Variants in SRRT observed in about 807,000 individuals in gnomAD.
The protein encoded by SRRT is serrate, RNA effector molecule, also known as serrate RNA effector molecule homolog.
SRRT carries 32 observed loss-of-function variants against 103.2 expected under a neutral mutation model. The ratio of observed to expected loss-of-function variants is 0.31; its 90% CI spans 0.23 to 0.42. The LOEUF is 0.42. Ranked by LOEUF, SRRT falls within the 10% of genes least tolerant of loss-of-function variation. SRRT has a pLI of 1.00. For missense variants in SRRT, 986 were observed against 1,207.5 expected (o/e 0.82, Z 2.72); for synonymous variants, 525 against 449.0 (o/e 1.17, Z -2.14).
At position 100,885,160 on chromosome 7, in the gene SRRT, C is replaced by G; in HGVS notation, c.1160-53C>G. 6.2e-7 allele frequency: 1 copy of G among 1,604,196 alleles called. No homozygotes were observed. The highest frequency in any genetic ancestry group is 8.5e-7 in the Non-Finnish European group (1 of 1,174,168). Reference sequence around the variant, plus strand: ...GGGAAAGCTTCTGTATCCTCCCCACCACAATCAGTAATAAAAATGCACCAA... The same window carrying G: ...GGGAAAGCTTCTGTATCCTCCCCACGACAATCAGTAATAAAAATGCACCAA... On this transcript the variant is annotated intron_variant, in intron 9 of 19. Transcript: ENST00000611405. This position sits in a 1 kb window ranked among gnomAD's most constrained non-coding sequence, Gnocchi z 4.8.
Position 100,882,985 on chromosome 7 carries a change from A to G in SRRT, c.587+744A>G, listed in dbSNP as rs1392206696. ...CCCCACTGCGGAGTCCCGCGTGGGC[A>G]TCTCGGCCGGGCGCCCAGCCAGGAG... On this transcript the variant is annotated intron_variant, in intron 5 of 19. Coordinates refer to ENST00000611405, the MANE Select transcript of SRRT (RefSeq NM_015908.6). The surrounding 1 kb of genome is among the most constrained non-coding windows in gnomAD (Gnocchi z 4.2). The G allele has an allele frequency of 6.6e-6, 1 of 152,328 alleles. No homozygotes were observed. The highest frequency in any genetic ancestry group is 6.5e-5 in the Admixed American group (1 of 15,288). 9.4% of individuals were successfully genotyped at this position (152,328 alleles called of 1,614,324 possible). A position where few individuals can be genotyped will look rare whatever the true frequency, so the allele number is the denominator to read the frequency against.
In SRRT at chr7:100,887,907, C is replaced by A; in HGVS notation, c.2326+48C>A. On this transcript the variant is annotated intron_variant, in intron 17 of 19. Coordinates refer to ENST00000611405, the MANE Select transcript of SRRT (RefSeq NM_015908.6). This position sits in a 1 kb window ranked among gnomAD's most constrained non-coding sequence, Gnocchi z 4.1. ...CGCATGTGCCCTCTTCCTTGACTAC[C>A]CAGGGACTCCTGTTTCTCTTTAACG... The A allele has an allele frequency of 6.4e-7, 1 of 1,573,060 alleles. No individual in the cohort carries two copies. The highest frequency in any genetic ancestry group is 1.4e-5 in the African/African-American group (1 of 73,436).
chr7:100,876,750 A>G (rs1307581075), intron 2 of SRRT, among the ~76,000 whole-genome samples: 1 of 152,112 alleles, frequency 6.6e-6, no homozygotes, highest in Admixed American at 6.6e-5. Context: ...ATGAGTATAT[A>G]TAGTGGAAGT....
In SRRT at chr7:100,887,606, G is replaced by T; in HGVS notation, c.2169+93G>T. On this transcript the variant is annotated intron_variant, in intron 16 of 19. Coordinates refer to ENST00000611405, the MANE Select transcript of SRRT (RefSeq NM_015908.6). This position sits in a 1 kb window ranked among gnomAD's most constrained non-coding sequence, Gnocchi z 4.1. ...GGCAGGGGTGGGGGAACTGCTTACT[G>T]CACTGGCAGGCGGGAGCTGGGAATC... The T allele has an allele frequency of 6.3e-7, 1 of 1,577,856 alleles. No individual in the cohort carries two copies. The highest frequency in any genetic ancestry group is 8.6e-7 in the Non-Finnish European group (1 of 1,158,324).
In SRRT at chr7:100,885,123, G is replaced by T. The variant is rs961363452; in HGVS notation, c.1159+83G>T. ...GGTTGGCGACATTGACGGGAGGGTG[G>T]GTGGCTTTTAGGGGAAAGCTTCTGT... On this transcript the variant is annotated intron_variant, in intron 9 of 19. Coordinates refer to ENST00000611405, the MANE Select transcript of SRRT (RefSeq NM_015908.6). This position sits in a 1 kb window ranked among gnomAD's most constrained non-coding sequence, Gnocchi z 4.8. 6.2e-7 allele frequency: 1 copy of T among 1,602,802 alleles called. No individual in the cohort carries two copies.
intron 6 of SRRT, 58 bp downstream of exon 6, chr7:100,884,297 G>A: frequency 6.2e-7 from 1 of 1,613,386 alleles, no homozygotes; most frequent in Non-Finnish European, 8.5e-7. Flanking sequence ...GGGGTGTCTG[G>A]GGATCAGGTA....
At chr7:100,884,305 G>T in intron 6 of SRRT, 63 bp from the exon 7 acceptor site, 1 of 1,611,488 alleles carries the variant, frequency 6.2e-7, no homozygotes, top group Non-Finnish European at 8.5e-7. Context: ...TGGGGATCAG[G>T]TAGAAGCCGG....
In SRRT at chr7:100,881,335, A is replaced by G; in HGVS notation, c.173A>G (p.Tyr58Cys). ...CGTAGTCGGGGTGAATATCGGGACT[A>G]TGACCGGAATCGGCGAGAGCGCTTC... ...ERRSRGEYRD[Y>C]DRNRRERFSP... The change falls in exon 3 of 20, where the codon TAT becomes TGT. Residue 58 changes from tyrosine to cysteine, a missense_variant. By Grantham distance (194) the Tyr-to-Cys change is radical (BLOSUM62 -2). This residue lies in a region of SRRT where 274 missense variants were observed against 358.5 expected (regional missense o/e 0.76). Transcript: ENST00000611405. 3 of 1,613,722 alleles carry G rather than the reference A, an allele frequency of 1.9e-6. No homozygotes were observed. The highest frequency in any genetic ancestry group is 2.5e-6 in the Non-Finnish European group (3 of 1,179,838).
Position 100,886,632 on chromosome 7 carries a change from G to A in SRRT, c.1648-163G>A, listed in dbSNP as rs184581012. 105 of 1,000,600 alleles carry A rather than the reference G, an allele frequency of 1.0e-4. No individual in the cohort carries two copies. The Admixed American group carries it at 2.4e-3, about 23-fold the overall frequency. 62.0% of individuals were successfully genotyped at this position (1,000,600 alleles called of 1,614,324 possible). ...GATGCTAGTGATCATTTGTGGCTGG[G>A]GTGGAACAAAAGCTAAAATAAAGAC... On this transcript the variant is annotated intron_variant, in intron 13 of 19. Coordinates refer to ENST00000611405, the MANE Select transcript of SRRT (RefSeq NM_015908.6).
At chr7:100,884,703 G>A (rs769587965) in intron 7 of SRRT, 37 bp from the exon 8 acceptor site, 26 of 1,601,278 alleles carry the variant, frequency 1.6e-5, no homozygotes, top group African/African-American at 2.7e-5. Context: ...GGTGGGAGGG[G>A]AGGTTTGACA....
Position 100,884,730 on chromosome 7 carries a change from C to T in SRRT, c.943-10C>T, listed in dbSNP as rs1274802637. On this transcript the variant is annotated splice_polypyrimidine_tract_variant and intron_variant, in intron 7 of 19. Coordinates refer to ENST00000611405, the MANE Select transcript of SRRT (RefSeq NM_015908.6). ...GGTTTGACATCCCCAGTGGTTGTCTCTTACCATAGGCTGAGAATGACAGTT... is the reference window on the plus strand; with the variant it reads ...GGTTTGACATCCCCAGTGGTTGTCTTTTACCATAGGCTGAGAATGACAGTT... 1.1e-5 allele frequency: 18 copies of T among 1,613,568 alleles called. No homozygotes were observed. Among genetic ancestry groups the T allele is most frequent in the Admixed American group, 1.7e-5 (1 of 59,998 alleles).
At position 100,887,267 on chromosome 7, in the gene SRRT, T is replaced by C; in HGVS notation, c.1976-53T>C. The C allele has an allele frequency of 6.2e-7, 1 of 1,610,428 alleles. No individual in the cohort carries two copies. Among genetic ancestry groups the C allele is most frequent in the Non-Finnish European group, 8.5e-7 (1 of 1,177,270 alleles). ...TTGGTCCTCCAGCCCCTTGCCACCA[T>C]CCTTCCTTCTGGCTCCCTTGCCAAC... On this transcript the variant is annotated intron_variant, in intron 15 of 19. Transcript: ENST00000611405. The surrounding 1 kb of genome is among the most constrained non-coding windows in gnomAD (Gnocchi z 4.1).
At position 100,888,546 on chromosome 7, in the gene SRRT, T is replaced by C. The variant is rs1199901008; in HGVS notation, c.2628T>C (p.Phe876=). 4 of 1,614,186 alleles carry C rather than the reference T, an allele frequency of 2.5e-6. No individual in the cohort carries two copies. Among genetic ancestry groups the C allele is most frequent in the Non-Finnish European group, 3.4e-6 (4 of 1,180,024 alleles). The change falls in exon 20 of 20, where the codon TTT becomes TTC. Residue 876 remains phenylalanine (F), a synonymous_variant. Coordinates refer to ENST00000611405, the MANE Select transcript of SRRT (RefSeq NM_015908.6). ...DLDAPDDVDF[F] is the part of the protein sequence containing the mutation. Reference sequence around the variant, plus strand: ...ATGCCCCAGACGATGTTGATTTCTTTTGAGCCGTCCCCCGTTCCTCAGTCC... The same window carrying C: ...ATGCCCCAGACGATGTTGATTTCTTCTGAGCCGTCCCCCGTTCCTCAGTCC...
At position 100,882,351 on chromosome 7, in the gene SRRT, G is replaced by T; in HGVS notation, c.587+110G>T. The T allele has an allele frequency of 7.7e-7, 1 of 1,291,006 alleles. No homozygotes were observed. The highest frequency in any genetic ancestry group is 1.1e-6 in the Non-Finnish European group (1 of 942,158). 80.0% of individuals were successfully genotyped at this position (1,291,006 alleles called of 1,614,324 possible). A position where few individuals can be genotyped will look rare whatever the true frequency, so the allele number is the denominator to read the frequency against. On this transcript the variant is annotated intron_variant, in intron 5 of 19. Transcript: ENST00000611405. The surrounding 1 kb of genome is among the most constrained non-coding windows in gnomAD (Gnocchi z 4.2). ...GTTTTCCCTGTCCAGAACTTTCTGG[G>T]GGCGGGGGTCGGGAAGTATGACAGC...
chr7:100,878,059 C>T (rs1411973630), intron 2 of SRRT, among the ~76,000 whole-genome samples: 1 of 152,140 alleles, frequency 6.6e-6, no homozygotes, highest in Non-Finnish European at 1.5e-5. Context: ...TGCCTGTAAT[C>T]CCAACACTTT....
chr7:100,888,428 C>T, intron 19 of SRRT, 45 bp downstream of exon 19: 1 of 1,613,024 alleles, frequency 6.2e-7, no homozygotes, highest in Middle Eastern at 1.7e-4. Flanking sequence ...CTGCAGACTC[C>T]CTTTTGGGAG....
rs2115916447 is a variant in SRRT, at chr7:100,888,088, TC to T, written c.2377del (p.Gln793ArgfsTer3). ...TPGLPYPHQT[P>X]QGLMPYGQPR... ...CAGGACTCCCCTACCCACACCAGAC[TC>T]CCCAGGGCCTGATGCCCTATGGTCA... On this transcript the variant is annotated frameshift_variant, in exon 18 of 20. Coordinates refer to ENST00000611405, the MANE Select transcript of SRRT (RefSeq NM_015908.6). LOFTEE classifies it high-confidence loss of function. The T allele has an allele frequency of 6.2e-7, 1 of 1,602,368 alleles. No individual in the cohort carries two copies. The highest frequency in any genetic ancestry group is 1.7e-5 in the Admixed American group (1 of 58,086).
rs760128501 is a variant in SRRT at position 100,885,238 on chromosome 7, G to A, written c.1185G>A (p.Lys395=). The A allele has an allele frequency of 1.2e-6, 2 of 1,614,092 alleles. No individual in the cohort carries two copies. Among genetic ancestry groups the A allele is most frequent in the Non-Finnish European group, 1.7e-6 (2 of 1,179,988 alleles). Residue 395 remains lysine (K), a synonymous_variant, in exon 10 of 20, where the codon AAG becomes AAA. Transcript: ENST00000611405. This position sits in a 1 kb window ranked among gnomAD's most constrained non-coding sequence, Gnocchi z 4.8. Reference sequence around the variant, plus strand: ...AAGAAGCGCTCAAGGAGAAGGAGAAGCCCAAGGAAGAAGAATGGGAGAAGC... The same window carrying A: ...AAGAAGCGCTCAAGGAGAAGGAGAAACCCAAGGAAGAAGAATGGGAGAAGC... ...EAEEALKEKE[K]PKEEEWEKPK...
Position 100,884,941 on chromosome 7 carries a change from C to A in SRRT, c.1060C>A (p.Arg354=). Residue 354 remains arginine (R), a synonymous_variant, in exon 9 of 20, where the codon CGG becomes AGG. Coordinates refer to ENST00000611405, the MANE Select transcript of SRRT (RefSeq NM_015908.6). ...EAKKSSKKRN[R]KHSGDDSFDE... is the part of the protein sequence containing the mutation. The stretch of plus-strand genomic sequence containing the variant: ...CACACAGAGTAGCAAGAAGCGGAAC[C>A]GGAAGCACAGTGGTGACGACAGCTT... 6.2e-7 allele frequency: 1 copy of A among 1,613,970 alleles called. No homozygotes were observed. Among genetic ancestry groups the A allele is most frequent in the Non-Finnish European group, 8.5e-7 (1 of 1,179,968 alleles).
Sources: gnomAD v4.1 joint callset for allele counts (sites outside exome capture counted in the v4.1 genomes callset) on GRCh38, gnomAD v4.1.1 for gene constraint, gnomAD v4.1.1 regional missense constraint, Gnocchi (gnomAD v3.1) non-coding constraint, MANE v1.5 for transcripts, NCBI Gene and HGNC (gene_info 2026-07-23, HGNC 2026-07-21) for gene names.